TTC29: variants seen among roughly 807,000 people sequenced by gnomAD.
TTC29 encodes the protein tetratricopeptide repeat domain 29, also known as tetratricopeptide repeat protein 29.
A neutral mutation model predicts 58.1 loss-of-function variants in TTC29; 49 were observed. The observed-to-expected ratio is 0.84, with a 90% confidence interval of 0.67 to 1.07. The LOEUF (loss-of-function observed/expected upper bound fraction) is 1.07, where lower values mean the gene tolerates loss of function less well. TTC29 is among the 50% of genes least tolerant of loss of function. The pLI is 0.00. For synonymous variants in TTC29, 209 were observed against 196.8 expected (o/e 1.06, Z -0.52); for missense variants, 582 against 555.6 (o/e 1.05, Z -0.48).
chr4:146,739,332 C>A (rs753578119), intron 11 of TTC29, among the ~76,000 whole-genome samples: 1 of 151,970 alleles, frequency 6.6e-6, no homozygotes, highest in African/African-American at 2.4e-5. Flanking sequence ...GTTCAAATAC[C>A]CCCTTCACCC....
At chr4:146,804,385 A>G (rs1579712991) in intron 10 of TTC29, among the ~76,000 whole-genome samples, 1 of 152,182 alleles carries the variant, frequency 6.6e-6, no homozygotes, top group Non-Finnish European at 1.5e-5. Context: ...GCAAGACAGA[A>G]CCATTCACTC....
chr4:146,728,860 C>CACATATATGTGTATATATATACAT (rs1561066862), intron 11 of TTC29, among the ~76,000 whole-genome samples: 1 of 62,026 alleles, frequency 1.6e-5, no homozygotes, highest in African/African-American at 4.4e-5. Context: ...TATATATACA[C>CACATATATGTGTATATATATACAT]ATATATATGT....
intron 11 of TTC29, among the ~76,000 whole-genome samples, chr4:146,751,474 A>G (rs1745986390): frequency 6.6e-6 from 1 of 152,242 alleles, no homozygotes; most frequent in South Asian, 2.1e-4. Flanking sequence ...AAAACAAGTT[A>G]ACAAATTTTA....
intron 9 of TTC29, among the ~76,000 whole-genome samples, chr4:146,825,941 A>T (rs114720628): frequency 0.34 from 47,608 of 138,984 alleles, 7,963 homozygotes; most frequent in African/African-American, 0.46. Context: ...TTTTTTTTTT[A>T]AAAAAATTTC....
chr4:146,872,484 G>A (rs982481221), intron 7 of TTC29, among the ~76,000 whole-genome samples: 4 of 151,908 alleles, frequency 2.6e-5, no homozygotes, highest in South Asian at 2.1e-4. Context: ...TTTTCAAATC[G>A]TATATCTGAT....
intron 9 of TTC29, among the ~76,000 whole-genome samples, chr4:146,828,990 T>A (rs1727987002): frequency 6.6e-6 from 1 of 152,192 alleles, no homozygotes; most frequent in Non-Finnish European, 1.5e-5. Context: ...ACAGAAAGGG[T>A]ACAGCTTATT....
chr4:146,798,785 G>C (rs1750005363), intron 11 of TTC29, among the ~76,000 whole-genome samples: 1 of 150,212 alleles, frequency 6.7e-6, no homozygotes, highest in Non-Finnish European at 1.5e-5. Flanking sequence ...TACTCGGGAG[G>C]CTGAGGCAGG....
In TTC29 at chr4:146,787,069, A is replaced by C. The variant is rs536477967; in HGVS notation, c.1330+16388T>G. On this transcript the variant is annotated intron_variant, in intron 11 of 12. Transcript: ENST00000325106. ...CCGGGAGTAAATTTAAAGTCACAGA[A>C]CTGAAACAAATCAAAATAACATTTT... is the stretch of plus-strand genomic sequence containing the variant. 3.9e-4 allele frequency among the ~76,000 whole-genome samples: 60 copies of C among 152,290 alleles called. No homozygotes were observed. The South Asian group carries it at 0.012, about 30-fold the overall frequency.
chr4:146,850,141 G>A (rs1360510128), intron 8 of TTC29, among the ~76,000 whole-genome samples: 7 of 152,174 alleles, frequency 4.6e-5, no homozygotes, highest in African/African-American at 1.7e-4. Flanking sequence ...TGTACCCAAA[G>A]CATCTAAAAC....
At chr4:146,822,117 C>CT (rs111952972) in intron 9 of TTC29, among the ~76,000 whole-genome samples, 30,691 of 126,066 alleles carry the variant, frequency 0.24, 3,390 homozygotes, top group East Asian at 0.35. Context: ...AAAGTATTTT[C>CT]TTTTAAAAAA....
chr4:146,772,157 T>C (rs1280798742), intron 11 of TTC29, among the ~76,000 whole-genome samples: 2 of 152,196 alleles, frequency 1.3e-5, no homozygotes, highest in Non-Finnish European at 2.9e-5. Context: ...TAGACCTTTG[T>C]TGGATGTGTA....
intron 11 of TTC29, among the ~76,000 whole-genome samples, chr4:146,778,370 T>G (rs960139838): frequency 6.6e-6 from 1 of 152,168 alleles, no homozygotes; most frequent in African/African-American, 2.4e-5. Context: ...TTGATTTTTT[T>G]GAAGAGCCTA....
chr4:146,820,850 G>A lies in TTC29; in HGVS notation c.978-602C>T, dbSNP rs781172850. Among the ~76,000 whole-genome samples, 9 of 152,182 alleles carry A rather than the reference G, an allele frequency of 5.9e-5. No homozygotes were observed. The South Asian group carries it at 8.3e-4, about 14-fold the overall frequency. Reference sequence around the variant, plus strand: ...GATTGAGACCATCCTGGCTAACATGGTGAAACCCCATCTCTACTAAAAATA... The same window carrying A: ...GATTGAGACCATCCTGGCTAACATGATGAAACCCCATCTCTACTAAAAATA... On this transcript the variant is annotated intron_variant, in intron 9 of 12. Transcript: ENST00000325106.
At chr4:146,943,047 CT>C (rs35901159) in intron 2 of TTC29, 1 of 155,762 alleles carries the variant, frequency 6.4e-6, no homozygotes, top group Non-Finnish European at 1.4e-5. Flanking sequence ...AAAATTTATC[CT>C]TTTTGATGTT....
chr4:146,911,511 T>A (rs1448836564), intron 4 of TTC29, among the ~76,000 whole-genome samples: 1 of 152,222 alleles, frequency 6.6e-6, no homozygotes, highest in African/African-American at 2.4e-5. Flanking sequence ...TAGGAATGCA[T>A]TCAGCTATAA....
intron 11 of TTC29, among the ~76,000 whole-genome samples, chr4:146,787,031 G>A (rs1033903576): frequency 6.6e-6 from 1 of 152,118 alleles, no homozygotes; most frequent in Non-Finnish European, 1.5e-5. Context: ...TGGGGCAGGA[G>A]GGTTGCTTGA....
intron 4 of TTC29, among the ~76,000 whole-genome samples, chr4:146,931,231 A>C (rs1735316170): frequency 4.6e-5 from 7 of 152,172 alleles, no homozygotes; most frequent in Admixed American, 4.6e-4. Context: ...AATATATGTT[A>C]TTTAAAACTC....
rs182587046 is a variant in TTC29, at chr4:146,761,744, A to C, written c.1330+41713T>G. ...TCTTTTTTAGTATGGTGTAGTATAC[A>C]TAATTTAAATAACCAGGGAATGTCT... On this transcript the variant is annotated intron_variant, in intron 11 of 12. Coordinates refer to ENST00000325106, the MANE Select transcript of TTC29 (RefSeq NM_031956.4). Among the ~76,000 whole-genome samples, 250 of 149,074 alleles carry C rather than the reference A, an allele frequency of 1.7e-3. 2 individuals are homozygous for C. The highest frequency in any genetic ancestry group is 5.9e-3 in the African/African-American group (238 of 40,496).
intron 11 of TTC29, among the ~76,000 whole-genome samples, chr4:146,778,565 T>TG (rs1269353922): frequency 2.0e-5 from 3 of 152,172 alleles, no homozygotes; most frequent in Admixed American, 6.5e-5. Context: ...GTTTTCCTAT[T>TG]GTTAGAAATA....
Sources: gnomAD v4.1 joint callset for allele counts (sites outside exome capture counted in the v4.1 genomes callset) on GRCh38, gnomAD v4.1.1 for gene constraint, MANE v1.5 for transcripts, NCBI Gene and HGNC (gene_info 2026-07-23, HGNC 2026-07-21) for gene names.